Variants in CLTCL1 observed in about 807,000 individuals in gnomAD.
CLTCL1 encodes clathrin heavy chain like 1.
CLTCL1 carries 159 observed loss-of-function variants against 190.0 expected under a neutral mutation model. The observed-to-expected ratio is 0.84, with a 90% CI of 0.74 to 0.95. CLTCL1 has a LOEUF of 0.95. Ranked by LOEUF, CLTCL1 falls within the 40% of genes least tolerant of loss-of-function variation. CLTCL1 has a pLI of 0.00. For synonymous variants in CLTCL1, 752 were observed against 769.6 expected (o/e 0.98, Z 0.38); for missense variants, 1,878 against 2,033.4 (o/e 0.92, Z 1.47).
At chr22:19,218,577 A>G (rs781864458) in intron 18 of CLTCL1, among the ~76,000 whole-genome samples, 18 of 152,202 alleles carry the variant, frequency 1.2e-4, no homozygotes, top group Non-Finnish European at 2.6e-4. Flanking sequence ...GGCAATGTGT[A>G]TGAGGGAGGT....
chr22:19,206,820 C>G (rs1302305597), intron 22 of CLTCL1, among the ~76,000 whole-genome samples: 5 of 152,088 alleles, frequency 3.3e-5, no homozygotes, highest in Non-Finnish European at 5.9e-5. Flanking sequence ...ATAATACATT[C>G]CATTATCTCT....
At chr22:19,256,528 C>A (rs904325683) in intron 2 of CLTCL1, among the ~76,000 whole-genome samples, 3 of 151,570 alleles carry the variant, frequency 2.0e-5, no homozygotes, top group African/African-American at 4.8e-5. Context: ...ACCTAATTTT[C>A]GCATTTTTTT....
intron 1 of CLTCL1, among the ~76,000 whole-genome samples, chr22:19,276,762 C>T (rs997008738): frequency 2.0e-5 from 3 of 152,070 alleles, no homozygotes; most frequent in African/African-American, 4.8e-5. Context: ...CTCCGCCTCC[C>T]GGGTTCACGC....
chr22:19,239,084 C>A (rs574249504), intron 5 of CLTCL1, among the ~76,000 whole-genome samples, 191 bp downstream of exon 5: 57 of 152,116 alleles, frequency 3.7e-4, no homozygotes, highest in Non-Finnish European at 7.5e-4. Flanking sequence ...ACCCTCATGC[C>A]GGGCATTCCT....
intron 2 of CLTCL1, among the ~76,000 whole-genome samples, chr22:19,263,810 T>C (rs1054446184): frequency 6.6e-6 from 1 of 152,238 alleles, no homozygotes; most frequent in Non-Finnish European, 1.5e-5. Flanking sequence ...ATAACTTTTA[T>C]ATGCACTGGG....
At position 19,228,010 on chromosome 22, in the gene CLTCL1, C is replaced by T. The variant is rs562334187; in HGVS notation, c.1783-1627G>A. 2.9e-4 allele frequency among the ~76,000 whole-genome samples: 44 copies of T among 152,070 alleles called. 1 individual carries two copies. The highest frequency in any genetic ancestry group is 1.1e-3 in the African/African-American group (44 of 41,494). ...ATCTAATGATGGTCTTGACAAGCTACACTCCTGGGTGCCTTCCCCTGCCAC... is the reference window on the plus strand; with the variant it reads ...ATCTAATGATGGTCTTGACAAGCTATACTCCTGGGTGCCTTCCCCTGCCAC... On this transcript the variant is annotated intron_variant, in intron 11 of 32. Coordinates refer to ENST00000427926, the MANE Select transcript of CLTCL1 (RefSeq NM_007098.4).
chr22:19,240,257 C>T (rs1470933865), intron 4 of CLTCL1, among the ~76,000 whole-genome samples: 2 of 152,092 alleles, frequency 1.3e-5, no homozygotes, highest in African/African-American at 2.4e-5. Context: ...GCCACCACGC[C>T]CAGCCACCAT....
In CLTCL1 at chr22:19,225,586, C is replaced by T; in HGVS notation, c.1995G>A (p.Glu665=). 1 of 1,578,076 alleles carries T rather than the reference C, an allele frequency of 6.3e-7. No individual in the cohort carries two copies. Among genetic ancestry groups the T allele is most frequent in the Non-Finnish European group, 8.6e-7 (1 of 1,162,162 alleles). The part of the protein sequence containing the change: ...FGSLSVEDSV[E]CLHAMLSANI... The stretch of plus-strand genomic sequence containing the variant: ...TAGCAGACAGCATGGCATGCAGACA[C>T]TCCACAGAATCCTCCACCGATAAGG... Residue 665 remains glutamate, a synonymous_variant, in exon 13 of 33, where the codon GAG becomes GAA. Transcript: ENST00000427926.
intron 22 of CLTCL1, among the ~76,000 whole-genome samples, chr22:19,204,890 C>T (rs559663162): frequency 7.8e-4 from 119 of 152,254 alleles, no homozygotes; most frequent in African/African-American, 2.1e-3. Flanking sequence ...CCACTATGAA[C>T]ATAGGTAAAG....
At chr22:19,187,876 C>A in intron 28 of CLTCL1, 105 bp downstream of exon 28, 1 of 1,331,130 alleles carries the variant, frequency 7.5e-7, no homozygotes. Flanking sequence ...TCCTGTGGGG[C>A]CTGCACACCC....
intron 6 of CLTCL1, among the ~76,000 whole-genome samples, chr22:19,235,353 C>T (rs1484629242): frequency 6.6e-6 from 1 of 152,200 alleles, no homozygotes; most frequent in Non-Finnish European, 1.5e-5. Flanking sequence ...CTTCTTTTAA[C>T]TATCTTTTTC....
At chr22:19,217,340 GC>G (rs2085416220) in intron 18 of CLTCL1, among the ~76,000 whole-genome samples, 1 of 152,156 alleles carries the variant, frequency 6.6e-6, no homozygotes. Context: ...TTGGAGGCCG[GC>G]CGCGGTGGCT....
rs5746702 is a variant in CLTCL1 at position 19,251,655 on chromosome 22, A to T, written c.519+2304T>A. On this transcript the variant is annotated intron_variant, in intron 3 of 32. Transcript: ENST00000427926. ...GTATTTTTAGTAGAGACGGGGTTTC[A>T]CCGTGTTAGCCAGGATGGTCTCAAT... Among the ~76,000 whole-genome samples the T allele has an allele frequency of 2.6e-5, 4 of 152,076 alleles. No individual in the cohort carries two copies. In the East Asian group the frequency reaches 5.8e-4, roughly 22 times the overall value.
intron 21 of CLTCL1, 149 bp downstream of exon 21, chr22:19,208,773 C>T: frequency 1.5e-6 from 1 of 651,584 alleles, no homozygotes; most frequent in Non-Finnish European, 2.6e-6. Context: ...TTATCTCAGA[C>T]TCTTGTGGGA....
chr22:19,202,426 C>A (rs1555940313), intron 22 of CLTCL1, among the ~76,000 whole-genome samples: 10 of 151,914 alleles, frequency 6.6e-5, no homozygotes, highest in East Asian at 1.9e-4. Context: ...ACCTCCCGCA[C>A]CACCCCTCCT....
At chr22:19,262,763 G>A (rs2086993138) in intron 2 of CLTCL1, among the ~76,000 whole-genome samples, 1 of 151,970 alleles carries the variant, frequency 6.6e-6, no homozygotes, top group Non-Finnish European at 1.5e-5. Context: ...GGGTACAGTG[G>A]CTCATGCCTG....
intron 22 of CLTCL1, among the ~76,000 whole-genome samples, chr22:19,206,462 T>C (rs2085054123): frequency 6.6e-6 from 1 of 152,180 alleles, no homozygotes; most frequent in Non-Finnish European, 1.5e-5. Flanking sequence ...TCCAGGCTGG[T>C]CTTGAACTCC....
intron 2 of CLTCL1, chr22:19,257,646 T>C: frequency 2.2e-6 from 1 of 451,556 alleles, no homozygotes; most frequent in Non-Finnish European, 4.0e-6. Flanking sequence ...TGTAAGGGAT[T>C]TGGGCTCCCA....
intron 26 of CLTCL1, among the ~76,000 whole-genome samples, chr22:19,193,465 T>C (rs1318526395): frequency 6.6e-6 from 1 of 151,700 alleles, no homozygotes. Context: ...ATGGGGTGAG[T>C]CCACTAGCCA....
Sources: allele counts gnomAD v4.1 joint callset (sites outside exome capture counted in the v4.1 genomes callset), GRCh38; gene constraint gnomAD v4.1.1; transcripts MANE v1.5; gene names NCBI Gene and HGNC (gene_info 2026-07-23, HGNC 2026-07-21).